ITPR1: variants seen among roughly 807,000 people sequenced by gnomAD.
The protein encoded by ITPR1 is inositol 1,4,5-trisphosphate receptor type 1.
A neutral mutation model predicts 318.4 loss-of-function variants in ITPR1; 96 were observed. That is an observed-to-expected ratio of 0.30 (90% CI 0.26 to 0.36). The LOEUF is 0.36. ITPR1 is among the 10% of genes least tolerant of loss of function. The pLI is 1.00. For synonymous variants in ITPR1, 1,312 were observed against 1,289.9 expected (o/e 1.02, Z -0.37); for missense variants, 2,440 against 3,460.2 (o/e 0.71, Z 7.40).
intron 5 of ITPR1, among the ~76,000 whole-genome samples, chr3:4,632,509 T>C (rs2093045191): frequency 6.6e-6 from 1 of 152,176 alleles, no homozygotes; most frequent in African/African-American, 2.4e-5. Flanking sequence ...GAATGTGGGC[T>C]GAGAGCTGCT....
At chr3:4,628,470 C>T (rs1163156136) in intron 5 of ITPR1, among the ~76,000 whole-genome samples, 2 of 152,180 alleles carry the variant, frequency 1.3e-5, no homozygotes, top group African/African-American at 4.8e-5. Context: ...CATCCTGTTT[C>T]ACCTTCTGTA....
intron 12 of ITPR1, among the ~76,000 whole-genome samples, chr3:4,657,033 C>G (rs1002920982): frequency 6.6e-6 from 1 of 152,156 alleles, no homozygotes; most frequent in Non-Finnish European, 1.5e-5. Context: ...CATCATTGTT[C>G]CTCAGCCTTC....
At chr3:4,570,055 C>T (rs766883604) in intron 4 of ITPR1, among the ~76,000 whole-genome samples, 2 of 151,928 alleles carry the variant, frequency 1.3e-5, no homozygotes, top group Non-Finnish European at 2.9e-5. Context: ...TGGAGAATTG[C>T]GTATTTTTAC....
intron 12 of ITPR1, among the ~76,000 whole-genome samples, chr3:4,657,405 T>C (rs1343085035): frequency 6.6e-6 from 1 of 151,560 alleles, no homozygotes; most frequent in East Asian, 1.9e-4. Context: ...TTGTTTTTTT[T>C]TTTTAATCAT....
chr3:4,587,876 A>T (rs1559495001), intron 4 of ITPR1, among the ~76,000 whole-genome samples: 1 of 152,188 alleles, frequency 6.6e-6, no homozygotes, highest in Non-Finnish European at 1.5e-5. Flanking sequence ...CTTCTTAAAG[A>T]CAGCTTCTGC....
chr3:4,690,173 G>T (rs1047827957), intron 31 of ITPR1, among the ~76,000 whole-genome samples: 6 of 152,184 alleles, frequency 3.9e-5, no homozygotes, highest in South Asian at 2.1e-4. Context: ...CTACTTGGAG[G>T]CTGAGGCAGG....
intron 61 of ITPR1, 145 bp downstream of exon 61, chr3:4,837,080 A>C: frequency 1.7e-6 from 1 of 590,526 alleles, no homozygotes; most frequent in Non-Finnish European, 2.7e-6. Flanking sequence ...AAACCCACTC[A>C]CTCCTCCAGT....
chr3:4,815,356 T>C, intron 59 of ITPR1, 138 bp downstream of exon 59: 1 of 699,798 alleles, frequency 1.4e-6, no homozygotes, highest in South Asian at 1.9e-5. Flanking sequence ...TCGTCTTGAC[T>C]CTTCTACCCT....
intron 4 of ITPR1, among the ~76,000 whole-genome samples, chr3:4,612,835 C>T (rs1226242122): frequency 6.6e-6 from 1 of 152,166 alleles, no homozygotes; most frequent in Non-Finnish European, 1.5e-5. Flanking sequence ...TGCAGTGAGC[C>T]AAGATCCTGC....
At chr3:4,812,937 C>T in intron 56 of ITPR1, 1 of 587,582 alleles carries the variant, frequency 1.7e-6, no homozygotes, top group Non-Finnish European at 3.1e-6. Flanking sequence ...TCTAGTAAGC[C>T]TACAGGAATT....
At chr3:4,774,743 C>A (rs2046383875) in intron 46 of ITPR1, among the ~76,000 whole-genome samples, 3 of 152,232 alleles carry the variant, frequency 2.0e-5, no homozygotes, top group African/African-American at 7.2e-5. Flanking sequence ...AACAAGTAAT[C>A]CAGGCTCCTG....
At chr3:4,800,285 G>C in intron 53 of ITPR1, 140 bp from the exon 54 acceptor site, 1 of 727,294 alleles carries the variant, frequency 1.4e-6, no homozygotes, top group Non-Finnish European at 2.2e-6. Context: ...TTATGGATGG[G>C]GCAGAGAATT....
Position 4,800,545 on chromosome 3 carries a change from G to A in ITPR1, c.7052G>A (p.Arg2351Gln), listed in dbSNP as rs779583916. 15 of 1,613,880 alleles carry A rather than the reference G, an allele frequency of 9.3e-6. No individual in the cohort carries two copies. Among genetic ancestry groups the A allele is most frequent in the Admixed American group, 5.0e-5 (3 of 60,000 alleles). ...GCCTTAATTGCCTCCACAATTCTAC[G>A]ACTGATATTTTCAGTCGGGTTACAA... Reference protein sequence around the residue: ...IRALIASTILRLIFSVGLQPT... With the variant: ...IRALIASTILQLIFSVGLQPT... The change falls in exon 54 of 62, where the codon CGA becomes CAA. Residue 2351 changes from arginine to glutamine, a missense_variant. Transcript: ENST00000649015.
At chr3:4,780,276 G>C (rs183801040) in intron 49 of ITPR1, among the ~76,000 whole-genome samples, 70 of 152,262 alleles carry the variant, frequency 4.6e-4, no homozygotes, top group African/African-American at 1.6e-3. Flanking sequence ...GCTGGTATTT[G>C]AGCCATATCT....
At chr3:4,761,214 G>T (rs1400151732) in intron 44 of ITPR1, among the ~76,000 whole-genome samples, 1 of 152,074 alleles carries the variant, frequency 6.6e-6, no homozygotes, top group African/African-American at 2.4e-5. Context: ...CTGAGGTTTG[G>T]GGGGGTTCAC....
At chr3:4,686,120 T>G (rs1361700347) in intron 30 of ITPR1, among the ~76,000 whole-genome samples, 1 of 152,160 alleles carries the variant, frequency 6.6e-6, no homozygotes, top group Non-Finnish European at 1.5e-5. Context: ...AGCCCCATTT[T>G]AGATGAGAGA....
At chr3:4,737,314 G>A (rs868681488) in intron 44 of ITPR1, among the ~76,000 whole-genome samples, 21 of 152,102 alleles carry the variant, frequency 1.4e-4, no homozygotes, top group African/African-American at 4.1e-4. Flanking sequence ...AAGTGATGCC[G>A]GGGAACCACC....
intron 4 of ITPR1, among the ~76,000 whole-genome samples, chr3:4,565,864 C>T (rs1346104758): frequency 1.3e-5 from 2 of 152,196 alleles, no homozygotes; most frequent in African/African-American, 4.8e-5. Flanking sequence ...TCATGTTCCA[C>T]TAAGTATATT....
At chr3:4,523,282 T>A (rs763187996) in intron 4 of ITPR1, among the ~76,000 whole-genome samples, 5 of 152,162 alleles carry the variant, frequency 3.3e-5, no homozygotes, top group African/African-American at 4.8e-5. Flanking sequence ...GGCTATTTGT[T>A]TTTTACAAAT....
Sources: allele counts gnomAD v4.1 joint callset (sites outside exome capture counted in the v4.1 genomes callset), GRCh38; gene constraint gnomAD v4.1.1; transcripts MANE v1.5; gene names NCBI Gene and HGNC (gene_info 2026-07-23, HGNC 2026-07-21).